SLC16A2: variants seen among roughly 807,000 people sequenced by gnomAD.
SLC16A2 encodes the protein solute carrier family 16 member 2, also known as monocarboxylate transporter 8.
SLC16A2 carries 3 observed loss-of-function variants against 27.2 expected under a neutral mutation model. The ratio of observed to expected loss-of-function variants is 0.11; its 90% CI spans 0.05 to 0.28. The LOEUF (loss-of-function observed/expected upper bound fraction) is 0.28. Among genes scored for constraint, SLC16A2 ranks in the 10% least tolerant of loss-of-function variants. SLC16A2 has a pLI of 1.00. For missense variants in SLC16A2, 295 were observed against 458.5 expected (o/e 0.64, Z 3.26); for synonymous variants, 202 against 187.8 (o/e 1.08, Z -0.62).
At chrX:74,498,633 T>A (rs1929977519) in intron 1 of SLC16A2, among the ~76,000 whole-genome samples, 1 of 112,038 alleles carries the variant, frequency 8.9e-6, no homozygotes, top group African/African-American at 3.2e-5. Flanking sequence ...AATAGCATGG[T>A]CTCAGTGAAT....
At chrX:74,422,681 C>A (rs958016150) in intron 1 of SLC16A2, among the ~76,000 whole-genome samples, 1 of 112,155 alleles carries the variant, frequency 8.9e-6, no homozygotes, top group Non-Finnish European at 1.9e-5. Flanking sequence ...GTGAGTGCGT[C>A]TCTGGCCGCC....
chrX:74,532,559 T>C lies in SLC16A2; in HGVS notation c.*1006T>C, dbSNP rs1466335222. 1 of 111,180 alleles carries C rather than the reference T, an allele frequency of 9.0e-6. No homozygotes were observed. Among genetic ancestry groups the C allele is most frequent in the Non-Finnish European group, 1.9e-5 (1 of 52,914 alleles). The allele number at this position is 111,180 out of a possible 1,213,427, so 9.2% of individuals were successfully genotyped here. A position where few individuals can be genotyped will look rare whatever the true frequency, so the allele number is the denominator to read the frequency against. ...GGAGGACTGATGACACGAGCTGCCATGGCGGGAGGAGGGGCAGTAGTTATT... is the reference window on the plus strand; with the variant it reads ...GGAGGACTGATGACACGAGCTGCCACGGCGGGAGGAGGGGCAGTAGTTATT... On this transcript the variant is annotated 3_prime_UTR_variant, in exon 6 of 6. Coordinates refer to ENST00000587091, the MANE Select transcript of SLC16A2 (RefSeq NM_006517.5).
chrX:74,463,743 G>A (rs1602117119), intron 1 of SLC16A2, among the ~76,000 whole-genome samples: 4 of 111,878 alleles, frequency 3.6e-5, no homozygotes, highest in South Asian at 7.5e-4. Flanking sequence ...TAGCCAGGAT[G>A]GTGTTGATCT....
chrX:74,518,727 A>C (rs766630182), intron 1 of SLC16A2, among the ~76,000 whole-genome samples: 1 of 112,349 alleles, frequency 8.9e-6, no homozygotes, highest in African/African-American at 3.2e-5. Flanking sequence ...TTCATATCAT[A>C]AATGTATGTG....
intron 1 of SLC16A2, among the ~76,000 whole-genome samples, chrX:74,519,727 AAAAC>A (rs1351762160): frequency 1.1e-3 from 79 of 69,617 alleles, no homozygotes; most frequent in African/African-American, 2.9e-3. Flanking sequence ...AAAAAAAAAA[AAAAC>A]AAAAAAAAAA....
At chrX:74,513,235 C>T (rs1376522032) in intron 1 of SLC16A2, among the ~76,000 whole-genome samples, 1 of 111,943 alleles carries the variant, frequency 8.9e-6, no homozygotes, top group Admixed American at 9.5e-5. Flanking sequence ...TTACAAGGTT[C>T]CACCTCTGAT....
intron 1 of SLC16A2, among the ~76,000 whole-genome samples, chrX:74,451,650 C>G (rs917348467): frequency 2.6e-4 from 29 of 112,524 alleles, no homozygotes; most frequent in Non-Finnish European, 2.6e-4. Flanking sequence ...TAGGGTGAAC[C>G]CTTTGGATCC....
chrX:74,488,114 T>C (rs1929754983), intron 1 of SLC16A2, among the ~76,000 whole-genome samples: 1 of 111,591 alleles, frequency 9.0e-6, no homozygotes, highest in South Asian at 3.7e-4. Flanking sequence ...AAAAGGTATC[T>C]GAGCTAGCCT....
At chrX:74,440,797 T>C (rs1388108547) in intron 1 of SLC16A2, among the ~76,000 whole-genome samples, 1 of 86,110 alleles carries the variant, frequency 1.2e-5, no homozygotes, top group Non-Finnish European at 2.1e-5. Flanking sequence ...TAAGAATAAA[T>C]GAGGGTGTGT....
intron 1 of SLC16A2, among the ~76,000 whole-genome samples, chrX:74,423,461 C>T (rs1001279443): frequency 3.6e-5 from 4 of 112,027 alleles, no homozygotes; most frequent in African/African-American, 1.3e-4. Context: ...TTTTAGTTTG[C>T]AGCTTTGCTG....
At chrX:74,510,639 T>C (rs1930213710) in intron 1 of SLC16A2, among the ~76,000 whole-genome samples, 1 of 111,748 alleles carries the variant, frequency 8.9e-6, no homozygotes, top group African/African-American at 3.3e-5. Flanking sequence ...AACCCCTAAA[T>C]CTTCTAACTC....
chrX:74,443,905 C>T (rs1013369807), intron 1 of SLC16A2, among the ~76,000 whole-genome samples: 3 of 111,620 alleles, frequency 2.7e-5, no homozygotes, highest in South Asian at 3.8e-4. Context: ...GATGGATTTT[C>T]TATCCCCTTC....
At position 74,531,279 on chromosome X, in the gene SLC16A2, C is replaced by G. The variant is rs181749865; in HGVS notation, c.1400-54C>G. On this transcript the variant is annotated intron_variant, in intron 5 of 5. Coordinates refer to ENST00000587091, the MANE Select transcript of SLC16A2 (RefSeq NM_006517.5). ...TGGCCCCTAGAACGGGCTGAGAGTACCTTTGGACAGTAGGGCAAAGCTGAG... is the reference window on the plus strand; with the variant it reads ...TGGCCCCTAGAACGGGCTGAGAGTAGCTTTGGACAGTAGGGCAAAGCTGAG... 9.3e-6 allele frequency: 10 copies of G among 1,070,482 alleles called. No individual in the cohort carries two copies. In the Admixed American group the frequency reaches 2.0e-4, roughly 21 times the overall value. The allele number at this position is 1,070,482 out of a possible 1,213,427, so 88.2% of individuals were successfully genotyped here. A position where few individuals can be genotyped will look rare whatever the true frequency, so the allele number is the denominator to read the frequency against.
intron 1 of SLC16A2, among the ~76,000 whole-genome samples, chrX:74,422,425 CT>C (rs771087132): frequency 1.7e-3 from 177 of 101,827 alleles, no homozygotes; most frequent in African/African-American, 1.8e-3. Context: ...ATTTGCAGGA[CT>C]TTTTTTTTTT....
chrX:74,454,673 C>T (rs1303699300), intron 1 of SLC16A2, among the ~76,000 whole-genome samples: 2 of 109,822 alleles, frequency 1.8e-5, no homozygotes, highest in Non-Finnish European at 3.8e-5. Flanking sequence ...CACATGTATA[C>T]ATATATGACA....
Position 74,421,724 on chromosome X carries a change from AGAGCCGGAGTCT to A in SLC16A2, c.97_108del (p.Ser33_Glu36del), listed in dbSNP as rs753170095. 4.5e-5 allele frequency: 53 copies of A among 1,171,314 alleles called. No homozygotes were observed. Among genetic ancestry groups the A allele is most frequent in the African/African-American group, 7.1e-5 (4 of 56,545 alleles). On this transcript the variant is annotated inframe_deletion, in exon 1 of 6. Coordinates refer to ENST00000587091, the MANE Select transcript of SLC16A2 (RefSeq NM_006517.5). Reference sequence around the variant, plus strand: ...AACAGCAGGAGCCGGTGGGTAGCCCAGAGCCGGAGTCTGAGCCGGAGCCTGAGCCCGAGCCCG... The same window carrying A: ...AACAGCAGGAGCCGGTGGGTAGCCCAGAGCCGGAGCCTGAGCCCGAGCCCG...
chrX:74,444,868 G>A (rs768556914), intron 1 of SLC16A2, among the ~76,000 whole-genome samples: 1 of 111,910 alleles, frequency 8.9e-6, no homozygotes, highest in African/African-American at 3.2e-5. Flanking sequence ...CTGTAAAGAC[G>A]AGGTGATCAT....
chrX:74,432,570 C>T (rs1928553052), intron 1 of SLC16A2, among the ~76,000 whole-genome samples: 1 of 111,654 alleles, frequency 9.0e-6, no homozygotes, highest in African/African-American at 3.3e-5. Context: ...TACTAGGGCT[C>T]ACCATATTGA....
chrX:74,525,773 C>A lies in SLC16A2; in HGVS notation c.1050C>A (p.Phe350Leu). The stretch of plus-strand genomic sequence containing the variant: ...AGATGAAGTATGTGGAGGAGGAGTT[C>A]TCAGAAATCAAGGAGACCTGGGTGC... ...VHLMKYVEEE[F>L]SEIKETWVLL... The change falls in exon 4 of 6, where the codon TTC becomes TTA. Residue 350 changes from phenylalanine (F) to leucine (L), a missense_variant. Phe to Leu is a conservative substitution (Grantham distance 22, BLOSUM62 0). This residue lies in a region of SLC16A2 where 144 missense variants were observed against 219.8 expected (regional missense o/e 0.66). Transcript: ENST00000587091. 8.3e-7 allele frequency: 1 copy of A among 1,211,566 alleles called. No homozygotes were observed. Among genetic ancestry groups the A allele is most frequent in the Non-Finnish European group, 1.1e-6 (1 of 895,349 alleles).
Sources: allele counts gnomAD v4.1 joint callset (sites outside exome capture counted in the v4.1 genomes callset), GRCh38; gene constraint gnomAD v4.1.1; regional missense constraint gnomAD v4.1.1; transcripts MANE v1.5; gene names NCBI Gene and HGNC (gene_info 2026-07-23, HGNC 2026-07-21).